C7orf57: variants seen among roughly 807,000 people sequenced by gnomAD.
C7orf57 encodes chromosome 7 open reading frame 57, also known as uncharacterized protein C7orf57.
In C7orf57, 33 loss-of-function variants were observed where a neutral mutation model predicts 39.0. The observed-to-expected ratio is 0.85, with a 90% CI of 0.64 to 1.13. The LOEUF is 1.13. C7orf57 is among the 50% of genes most tolerant of loss of function. C7orf57 has a pLI of 0.00. For missense variants in C7orf57, 346 were observed against 362.3 expected, an observed-to-expected ratio of 0.95 and a Z score of 0.37; for synonymous variants, 124 against 137.1, an observed-to-expected ratio of 0.90 and a Z score of 0.67.
intron 5 of C7orf57, among the ~76,000 whole-genome samples, chr7:48,049,393 A>G (rs1790809120): frequency 6.6e-6 from 1 of 152,168 alleles, no homozygotes; most frequent in Non-Finnish European, 1.5e-5. Context: ...TACATTATGC[A>G]TCTACATTAC....
Position 48,052,918 on chromosome 7 carries a change from C to A in C7orf57, c.824C>A (p.Thr275Asn). The A allele has an allele frequency of 6.2e-7, 1 of 1,611,722 alleles. No individual in the cohort carries two copies. Among genetic ancestry groups the A allele is most frequent in the Non-Finnish European group, 8.5e-7 (1 of 1,178,156 alleles). ...DAEASEGPED[T>N]PESSQSPEES... ...GAGGCTTCTGAAGGTCCTGAGGACA[C>A]CCCAGGTGAGGCACAAGCAGCCATC... Residue 275 changes from threonine (T) to asparagine (N), a missense_variant, in exon 7 of 9, where the codon ACC (threonine) becomes AAC (asparagine). Transcript: ENST00000348904.
rs1459414947 is a variant in C7orf57 at position 48,035,624 on chromosome 7, G to A, written c.-108G>A. Reference sequence around the variant, plus strand: ...GGGCAGCACCCACGGAGACCCGCGGGGAGCTGGTGAGCCTGAGCGGGCTGG... The same window carrying A: ...GGGCAGCACCCACGGAGACCCGCGGAGAGCTGGTGAGCCTGAGCGGGCTGG... On this transcript the variant is annotated 5_prime_UTR_variant, in exon 1 of 9. Transcript: ENST00000348904. This position sits in a 1 kb window ranked among gnomAD's most constrained non-coding sequence, Gnocchi z 4.0. 1.5e-6 allele frequency: 1 copy of A among 687,216 alleles called. No individual in the cohort carries two copies. The highest frequency in any genetic ancestry group is 2.6e-6 in the Non-Finnish European group (1 of 377,680). The allele number at this position is 687,216 out of a possible 1,614,324, so 42.6% of individuals were successfully genotyped here. A position where few individuals can be genotyped will look rare whatever the true frequency, so the allele number is the denominator to read the frequency against.
intron 2 of C7orf57, among the ~76,000 whole-genome samples, chr7:48,039,359 C>G (rs1337374391): frequency 6.6e-6 from 1 of 152,118 alleles, no homozygotes; most frequent in African/African-American, 2.4e-5. Flanking sequence ...AATGATAATG[C>G]TGGTCTGCTG....
rs571823073 is a variant in C7orf57 at position 48,060,333 on chromosome 7, T to C, written c.*61T>C. The C allele has an allele frequency of 1.1e-5, 11 of 1,042,316 alleles. No homozygotes were observed. The African/African-American group carries it at 1.3e-4, about 12-fold the overall frequency. The allele number at this position is 1,042,316 out of a possible 1,614,324, so 64.6% of individuals were successfully genotyped here. ...ATGGCTAAATATGACATGACTGTAT[T>C]ATAGCTATATTTCTGAGGCTTTTTT... On this transcript the variant is annotated 3_prime_UTR_variant, in exon 9 of 9. Transcript: ENST00000348904.
chr7:48,044,500 C>G (rs1038230323), intron 4 of C7orf57, among the ~76,000 whole-genome samples: 1 of 152,158 alleles, frequency 6.6e-6, no homozygotes, highest in African/African-American at 2.4e-5. Context: ...AGTGAACGCT[C>G]TTTACTACCT....
chr7:48,039,990 A>G (rs1489828838), intron 2 of C7orf57, among the ~76,000 whole-genome samples: 18 of 151,816 alleles, frequency 1.2e-4, no homozygotes, highest in Non-Finnish European at 2.2e-4. Context: ...TGGTTAATCA[A>G]TTTCAGATTC....
intron 2 of C7orf57, among the ~76,000 whole-genome samples, chr7:48,039,800 GA>G (rs1479265320): frequency 2.1e-5 from 1 of 47,740 alleles, no homozygotes; most frequent in East Asian, 3.8e-4. Context: ...AATAGAAGGG[GA>G]TATTGTGTTA....
rs748080242 is a variant in C7orf57, at chr7:48,046,624, G to A, written c.507+8G>A. On this transcript the variant is annotated splice_region_variant and intron_variant, in intron 5 of 8. Transcript: ENST00000348904. Reference sequence around the variant, plus strand: ...GAAAAGGAGAAAAAAAAGGTGACGGGAGCCCATAAATAGACGGCATCCGCA... The same window carrying A: ...GAAAAGGAGAAAAAAAAGGTGACGGAAGCCCATAAATAGACGGCATCCGCA... The A allele has an allele frequency of 4.0e-5, 65 of 1,609,786 alleles. No individual in the cohort carries two copies. Among genetic ancestry groups the A allele is most frequent in the South Asian group, 5.5e-5 (5 of 90,330 alleles).
intron 2 of C7orf57, 122 bp downstream of exon 2, chr7:48,036,485 C>A: frequency 4.5e-6 from 4 of 882,986 alleles, no homozygotes; most frequent in Non-Finnish European, 5.0e-6. Context: ...CGATGGAGGA[C>A]CAAGTGATAA....
At position 48,043,642 on chromosome 7, in the gene C7orf57, G is replaced by A. The variant is rs922487469; in HGVS notation, c.350+53G>A. On this transcript the variant is annotated intron_variant, in intron 4 of 8. Coordinates refer to ENST00000348904, the MANE Select transcript of C7orf57 (RefSeq NM_001100159.3). ...TGTTTATCTTTACAGGAAAAAAATA[G>A]CCCAATTTTAATTTTAAAAATACAA... The A allele has an allele frequency of 3.6e-6, 5 of 1,374,544 alleles. No individual in the cohort carries two copies. In the African/African-American group the frequency reaches 7.3e-5, roughly 20 times the overall value. 85.1% of individuals were successfully genotyped at this position (1,374,544 alleles called of 1,614,324 possible).
intron 3 of C7orf57, among the ~76,000 whole-genome samples, chr7:48,042,035 T>C (rs759422292): frequency 4.6e-5 from 7 of 152,260 alleles, no homozygotes; most frequent in Non-Finnish European, 8.8e-5. Flanking sequence ...TGCTTAACTA[T>C]GCTAAAAACT....
intron 7 of C7orf57, among the ~76,000 whole-genome samples, chr7:48,053,578 A>G (rs1346384494): frequency 6.6e-6 from 1 of 152,076 alleles, no homozygotes; most frequent in Non-Finnish European, 1.5e-5. Flanking sequence ...AAGTCTCCCA[A>G]GTAGCTGGGA....
At chr7:48,055,891 T>C (rs1361883946) in intron 8 of C7orf57, among the ~76,000 whole-genome samples, 1 of 152,204 alleles carries the variant, frequency 6.6e-6, no homozygotes, top group Non-Finnish European at 1.5e-5. Flanking sequence ...GTTGATTCCA[T>C]AGCTTGGCTA....
At chr7:48,041,611 A>G in intron 3 of C7orf57, 92 bp downstream of exon 3, 1 of 1,080,782 alleles carries the variant, frequency 9.3e-7, no homozygotes, top group Non-Finnish European at 1.3e-6. Context: ...AAATATTACT[A>G]CAGAGTCTGT....
Position 48,060,330 on chromosome 7 carries a change from T to C in C7orf57, c.*58T>C, listed in dbSNP as rs1457952636. 2.5e-5 allele frequency: 26 copies of C among 1,052,288 alleles called. No individual in the cohort carries two copies. The Admixed American group carries it at 5.9e-4, about 24-fold the overall frequency. 65.2% of individuals were successfully genotyped at this position (1,052,288 alleles called of 1,614,324 possible). A position where few individuals can be genotyped will look rare whatever the true frequency, so the allele number is the denominator to read the frequency against. ...TAAATGGCTAAATATGACATGACTGTATTATAGCTATATTTCTGAGGCTTT... is the reference window on the plus strand; with the variant it reads ...TAAATGGCTAAATATGACATGACTGCATTATAGCTATATTTCTGAGGCTTT... On this transcript the variant is annotated 3_prime_UTR_variant, in exon 9 of 9. Coordinates refer to ENST00000348904, the MANE Select transcript of C7orf57 (RefSeq NM_001100159.3).
At chr7:48,052,632 G>C in intron 6 of C7orf57, 68 bp from the exon 7 acceptor site, 1 of 1,370,270 alleles carries the variant, frequency 7.3e-7, no homozygotes, top group South Asian at 1.2e-5. Flanking sequence ...GTGTGTTCAC[G>C]GAATACTGCT....
rs760545955 is a variant in C7orf57 at position 48,052,692 on chromosome 7, T to C, written c.606-8T>C. On this transcript the variant is annotated splice_region_variant and splice_polypyrimidine_tract_variant and intron_variant, in intron 6 of 8. Transcript: ENST00000348904. The stretch of plus-strand genomic sequence containing the variant: ...CTTAAGTTTCACATTACTTTTACTC[T>C]TTTTAAGGCCTGGTCAAAAAAACAG... The C allele has an allele frequency of 1.1e-5, 18 of 1,612,322 alleles. No individual in the cohort carries two copies. Among genetic ancestry groups the C allele is most frequent in the Non-Finnish European group, 1.5e-5 (18 of 1,178,518 alleles).
intron 2 of C7orf57, among the ~76,000 whole-genome samples, chr7:48,036,667 A>T (rs557465218): frequency 6.6e-6 from 1 of 152,202 alleles, no homozygotes; most frequent in African/African-American, 2.4e-5. Flanking sequence ...TTTCTTTGTC[A>T]TAGTTCAACC....
At chr7:48,040,173 G>T (rs539174176) in intron 2 of C7orf57, among the ~76,000 whole-genome samples, 5 of 152,262 alleles carry the variant, frequency 3.3e-5, no homozygotes, top group Non-Finnish European at 7.4e-5. Flanking sequence ...AGCCTGCAGG[G>T]CCTGTCCTGG....
Sources: gnomAD v4.1 joint callset for allele counts (sites outside exome capture counted in the v4.1 genomes callset) on GRCh38, gnomAD v4.1.1 for gene constraint, Gnocchi (gnomAD v3.1) non-coding constraint, MANE v1.5 for transcripts, NCBI Gene and HGNC (gene_info 2026-07-23, HGNC 2026-07-21) for gene names.